POLR1C: variants seen among roughly 807,000 people sequenced by gnomAD.
POLR1C encodes RNA polymerase I and III subunit C.
POLR1C carries 42 observed loss-of-function variants against 38.3 expected under a neutral mutation model. That is an observed-to-expected ratio of 1.10 (90% CI 0.86 to 1.42). The LOEUF is 1.42. POLR1C is among the 40% of genes most tolerant of loss of function. The pLI is 0.00. For synonymous variants in POLR1C, 163 were observed against 163.9 expected, an observed-to-expected ratio of 0.99 and a Z score of 0.04; for missense variants, 507 against 450.5, an observed-to-expected ratio of 1.13 and a Z score of -1.14.
In POLR1C at chr6:43,555,917, C is replaced by G. The variant is rs755688675; in HGVS notation, c.*48+4906C>G. 3.7e-6 allele frequency: 6 copies of G among 1,613,934 alleles called. No individual in the cohort carries two copies. In the South Asian group the frequency reaches 6.6e-5, roughly 18 times the overall value. On this transcript the variant is annotated intron_variant, in intron 10 of 10. Transcript: ENST00000607635. Reference sequence around the variant, plus strand: ...GCCATCTGGAAGCTAGTTTTGGGATCCAAACGACATGCCAACCTCATCACC... The same window carrying G: ...GCCATCTGGAAGCTAGTTTTGGGATGCAAACGACATGCCAACCTCATCACC...
chr6:43,546,526 A>AG, intron 9 of POLR1C: 2 of 1,551,590 alleles, frequency 1.3e-6, no homozygotes, highest in Admixed American at 4.2e-5. Context: ...GAAATTTTTA[A>AG]GGTAAAGTAG....
At chr6:43,556,890 C>T (rs969137323) in intron 10 of POLR1C, among the ~76,000 whole-genome samples, 3 of 150,306 alleles carry the variant, frequency 2.0e-5, no homozygotes, top group Non-Finnish European at 3.0e-5. Flanking sequence ...CACTTTGGGA[C>T]GCCAAGGCAG....
intron 8 of POLR1C, chr6:43,526,546 C>T: frequency 1.1e-6 from 1 of 933,024 alleles, no homozygotes; most frequent in Non-Finnish European, 1.7e-6. Context: ...AGGCACACAG[C>T]AAGAGGGCTG....
chr6:43,528,471 A>ACAT (rs780160815), intron 8 of POLR1C, among the ~76,000 whole-genome samples: 84 of 152,220 alleles, frequency 5.5e-4, no homozygotes, highest in Admixed American at 2.1e-3. Context: ...GGGTCTCTAG[A>ACAT]CATACCTGTT....
At position 43,554,280 on chromosome 6, in the gene POLR1C, AT is replaced by A. The variant is rs886875201; in HGVS notation, c.*48+3281del. Among the ~76,000 whole-genome samples the A allele has an allele frequency of 3.2e-3, 452 of 141,582 alleles. 1 individual carries two copies. Among genetic ancestry groups the A allele is most frequent in the Middle Eastern group, 7.5e-3 (2 of 268 alleles). The allele number at this position is 141,582 out of a possible 152,430, so 92.9% of individuals were successfully genotyped here. A position where few individuals can be genotyped will look rare whatever the true frequency, so the allele number is the denominator to read the frequency against. On this transcript the variant is annotated intron_variant, in intron 10 of 10. Coordinates refer to the POLR1C transcript ENST00000607635. Reference sequence around the variant, plus strand: ...GCCACCATGCCCGGCTAATTTTTGTATTTTTTTTTTTTAGTAGAGACGAGGT... The same window carrying A: ...GCCACCATGCCCGGCTAATTTTTGTATTTTTTTTTTTAGTAGAGACGAGGT...
rs1015942660 is a variant in POLR1C, at chr6:43,519,778, C to T, written c.322C>T (p.His108Tyr). The change falls in exon 4 of 9, where the codon CAC (histidine) becomes TAC (tyrosine). Residue 108 changes from histidine to tyrosine, a missense_variant. Transcript: ENST00000642195. ...CATTGTTCAGGATGAGATTCTTGCT[C>T]ACCGTCTGGGGCTCATTCCCATTCA... ...TSIVQDEILA[H>Y]RLGLIPIHAD... 3.4e-5 allele frequency: 55 copies of T among 1,614,026 alleles called. No homozygotes were observed. The highest frequency in any genetic ancestry group is 4.6e-5 in the Non-Finnish European group (54 of 1,180,020).
At chr6:43,534,436 T>C (rs1029611449), downstream of POLR1C, among the ~76,000 whole-genome samples, 1 of 152,222 alleles carries the variant, frequency 6.6e-6, no homozygotes, top group Non-Finnish European at 1.5e-5. Flanking sequence ...TCCAAGAGCA[T>C]GGACCTTGCA....
At chr6:43,521,125 A>G (rs1179645124) in intron 8 of POLR1C, 57 bp from the exon 9 acceptor site, 1 of 1,606,336 alleles carries the variant, frequency 6.2e-7, no homozygotes, top group East Asian at 2.2e-5. Flanking sequence ...TGTGAAGTTT[A>G]TGAGTAAGTT....
At chr6:43,556,334 G>A (rs1762087602) in intron 10 of POLR1C, among the ~76,000 whole-genome samples, 2 of 151,964 alleles carry the variant, frequency 1.3e-5, no homozygotes, top group East Asian at 3.9e-4. Flanking sequence ...AACCAGTTTG[G>A]GCAATACAGT....
intron 9 of POLR1C, among the ~76,000 whole-genome samples, chr6:43,545,588 T>C (rs778364423): frequency 3.3e-5 from 5 of 152,034 alleles, no homozygotes; most frequent in Non-Finnish European, 5.9e-5. Flanking sequence ...ACACCTGTAG[T>C]CCCAGCTACT....
chr6:43,554,229 C>A (rs1368650015), intron 10 of POLR1C, among the ~76,000 whole-genome samples: 1 of 152,002 alleles, frequency 6.6e-6, no homozygotes, highest in East Asian at 1.9e-4. Flanking sequence ...CCTCAGCCTC[C>A]CAAGTAGCTG....
downstream of POLR1C, chr6:43,529,603 G>A (rs1265130516): frequency 5.4e-6 from 1 of 183,694 alleles, no homozygotes; most frequent in Admixed American, 5.6e-5. Flanking sequence ...ATTAATAAGG[G>A]TCTGAATGAG....
rs369997570 is a variant in POLR1C at position 43,558,490 on chromosome 6, A to G, written c.*49-2910A>G. ...GACTGTTGAGAGAAATCCAAGGCCA[A>G]CATCACTTACAGTTGAAGAAAGCAT... is the stretch of plus-strand genomic sequence containing the variant. On this transcript the variant is annotated intron_variant, in intron 10 of 10. Coordinates refer to the POLR1C transcript ENST00000607635. 35 of 1,585,528 alleles carry G rather than the reference A, an allele frequency of 2.2e-5. 1 individual carries two copies. In the Admixed American group the frequency reaches 5.7e-4, roughly 26 times the overall value.
At position 43,542,079 on chromosome 6, in the gene POLR1C, G is replaced by A. The variant is rs144416821; in HGVS notation, c.*5-8889G>A. Among the ~76,000 whole-genome samples the A allele has an allele frequency of 6.4e-4, 97 of 152,098 alleles. 1 individual carries two copies. The East Asian group carries it at 0.017, about 27-fold the overall frequency. On this transcript the variant is annotated intron_variant, in intron 9 of 10. Coordinates refer to the POLR1C transcript ENST00000607635. ...ATTACATGCATGAGCCACCGCACCC[G>A]GCCGATTTTAGAAATCTAGTGTGTA...
At chr6:43,527,527 G>A (rs1035452038) in intron 8 of POLR1C, 39 of 1,145,896 alleles carry the variant, frequency 3.4e-5, no homozygotes, top group Middle Eastern at 2.0e-4. Flanking sequence ...CATGCCCGCC[G>A]CAAACATGAA....
chr6:43,521,567 C>T (rs760865034), downstream of POLR1C: 15 of 882,388 alleles, frequency 1.7e-5, no homozygotes, highest in Non-Finnish European at 2.1e-5. Flanking sequence ...CTGTGTTGCC[C>T]AGGCTGGAGT....
chr6:43,548,108 A>C (rs573179784), intron 9 of POLR1C, among the ~76,000 whole-genome samples: 1 of 152,320 alleles, frequency 6.6e-6, no homozygotes, highest in South Asian at 2.1e-4. Context: ...CCAGAGATTA[A>C]ATTACAAAAG....
chr6:43,526,328 G>T (rs1468799266), downstream of POLR1C: 4 of 380,616 alleles, frequency 1.1e-5, no homozygotes, highest in Non-Finnish European at 4.9e-6. Context: ...CATAATGTTG[G>T]GTAGTGACAA....
downstream of POLR1C, among the ~76,000 whole-genome samples, chr6:43,524,307 G>A (rs111521984): frequency 5.6e-3 from 840 of 149,368 alleles, 10 homozygotes; most frequent in African/African-American, 0.019. Flanking sequence ...AGCTGAGATC[G>A]TACCACTGCA....
Sources: allele counts gnomAD v4.1 joint callset (sites outside exome capture counted in the v4.1 genomes callset), GRCh38; gene constraint gnomAD v4.1.1; transcripts MANE v1.5; gene names NCBI Gene and HGNC (gene_info 2026-07-23, HGNC 2026-07-21).